The following FAM135B variants were observed in gnomAD, a reference collection of about 807,000 sequenced individuals.
FAM135B encodes family with sequence similarity 135 member B, also known as protein FAM135B.
Under a neutral mutation model 127.7 loss-of-function variants are expected in FAM135B, and 43 were observed. The ratio of observed to expected loss-of-function variants is 0.34; its 90% CI spans 0.26 to 0.43. The LOEUF is 0.43. Ranked by LOEUF, FAM135B falls within the 20% of genes least tolerant of loss-of-function variation. The pLI, the probability that FAM135B is intolerant of heterozygous loss-of-function variation, is 1.00. For missense variants in FAM135B, 1,558 were observed against 1,725.6 expected (o/e 0.90, Z 1.72); for synonymous variants, 670 against 665.1 (o/e 1.01, Z -0.11).
At chr8:138,163,654 G>C (rs534499151) in intron 12 of FAM135B, among the ~76,000 whole-genome samples, 1 of 152,022 alleles carries the variant, frequency 6.6e-6, no homozygotes, top group African/African-American at 2.4e-5. Flanking sequence ...ACCTTCCACC[G>C]TGTGATGCCT....
At chr8:138,219,880 A>C (rs1818887488) in intron 7 of FAM135B, among the ~76,000 whole-genome samples, 1 of 152,210 alleles carries the variant, frequency 6.6e-6, no homozygotes, top group Non-Finnish European at 1.5e-5. Flanking sequence ...TAAGCAATTC[A>C]TATGAACTAT....
intron 1 of FAM135B, among the ~76,000 whole-genome samples, chr8:138,405,392 T>G (rs1181874569): frequency 1.6e-5 from 2 of 121,362 alleles, no homozygotes; most frequent in Non-Finnish European, 3.2e-5. Context: ...GTCCCCAGAG[T>G]GTGATGTTCC....
intron 3 of FAM135B, among the ~76,000 whole-genome samples, chr8:138,268,714 C>T (rs901443764): frequency 6.6e-6 from 1 of 152,232 alleles, no homozygotes; most frequent in Non-Finnish European, 1.5e-5. Flanking sequence ...TACATACTCT[C>T]TCTGCCCTTA....
At chr8:138,452,232 G>A (rs891472030) in intron 1 of FAM135B, among the ~76,000 whole-genome samples, 6 of 150,074 alleles carry the variant, frequency 4.0e-5, no homozygotes, top group African/African-American at 1.5e-4. Flanking sequence ...CAGACTCAAG[G>A]AATCCTTCCA....
chr8:138,365,864 C>T (rs1830698925), intron 2 of FAM135B, among the ~76,000 whole-genome samples: 1 of 152,152 alleles, frequency 6.6e-6, no homozygotes, highest in African/African-American at 2.4e-5. Context: ...GCTCTTGAGA[C>T]CTAAGTTACT....
At chr8:138,166,017 C>A (rs1171150302) in intron 12 of FAM135B, among the ~76,000 whole-genome samples, 1 of 152,132 alleles carries the variant, frequency 6.6e-6, no homozygotes, top group Non-Finnish European at 1.5e-5. Flanking sequence ...ATGATGGGCA[C>A]CTAAACATGA....
chr8:138,306,121 T>C (rs1826238792), intron 3 of FAM135B, among the ~76,000 whole-genome samples: 1 of 152,174 alleles, frequency 6.6e-6, no homozygotes, highest in Non-Finnish European at 1.5e-5. Context: ...CACATCCTAT[T>C]GGCAGGCCTC....
chr8:138,434,282 T>C (rs1835349631), intron 1 of FAM135B, among the ~76,000 whole-genome samples: 1 of 152,200 alleles, frequency 6.6e-6, no homozygotes, highest in Non-Finnish European at 1.5e-5. Flanking sequence ...CTGAATCTCT[T>C]TGATTTATTC....
Position 138,151,767 on chromosome 8 carries a change from G to T in FAM135B, c.2708C>A (p.Thr903Asn), listed in dbSNP as rs1818175446. ...TRSLHRALEE[T>N]PKGMPKDLNV... ...CAAGTCTTTAGGCATGCCCTTTGGG[G>T]TTTCCTCAAGTGCTCTATGAAGAGA... The change falls in exon 13 of 20, where the codon ACC (threonine) becomes AAC (asparagine). Residue 903 changes from threonine (T) to asparagine (N), a missense_variant. Coordinates refer to ENST00000395297, the MANE Select transcript of FAM135B (RefSeq NM_015912.4). 6.2e-7 allele frequency: 1 copy of T among 1,614,142 alleles called. No individual in the cohort carries two copies. Among genetic ancestry groups the T allele is most frequent in the Non-Finnish European group, 8.5e-7 (1 of 1,180,038 alleles).
At chr8:138,139,679 T>C (rs1457223723) in intron 17 of FAM135B, among the ~76,000 whole-genome samples, 2 of 152,162 alleles carry the variant, frequency 1.3e-5, no homozygotes, top group Non-Finnish European at 2.9e-5. Context: ...GGCAGAAGAA[T>C]TGCTTGAACC....
intron 1 of FAM135B, among the ~76,000 whole-genome samples, chr8:138,429,842 TTTTCAGAAACACTCTCCAACTACCA>T (rs1158250075): frequency 6.6e-6 from 1 of 152,112 alleles, no homozygotes; most frequent in East Asian, 1.9e-4. Context: ...CAGAAAGCCC[TTTTCAGAAACACTCTCCAACTACCA>T]TACTGGAGAA....
chr8:138,368,689 T>A (rs1830922143), intron 1 of FAM135B, among the ~76,000 whole-genome samples: 1 of 152,180 alleles, frequency 6.6e-6, no homozygotes, highest in African/African-American at 2.4e-5. Context: ...GACAGGTTGC[T>A]AATTTTCCAA....
chr8:138,385,259 C>T (rs955444614), intron 1 of FAM135B, among the ~76,000 whole-genome samples: 1 of 152,148 alleles, frequency 6.6e-6, no homozygotes, highest in Non-Finnish European at 1.5e-5. Flanking sequence ...TCCAGTATAT[C>T]ACTGTCTTAT....
chr8:138,308,191 C>T (rs141750972), intron 3 of FAM135B, among the ~76,000 whole-genome samples: 2 of 152,296 alleles, frequency 1.3e-5, no homozygotes, highest in Admixed American at 1.3e-4. Flanking sequence ...GAAGTCTGAC[C>T]ACCCAACTGG....
At chr8:138,378,686 T>C (rs16909021) in intron 1 of FAM135B, among the ~76,000 whole-genome samples, 3,681 of 152,012 alleles carry the variant, frequency 0.024, 66 homozygotes, top group East Asian at 0.11. Context: ...TGTTGAAAAG[T>C]ATTTTCTTTC....
chr8:138,445,492 G>A (rs1836085655), intron 1 of FAM135B, among the ~76,000 whole-genome samples: 1 of 152,154 alleles, frequency 6.6e-6, no homozygotes, highest in African/African-American at 2.4e-5. Flanking sequence ...TGCAAGGCTG[G>A]TTCAATATAT....
At chr8:138,482,306 G>A (rs1013208665) in intron 1 of FAM135B, among the ~76,000 whole-genome samples, 2 of 151,996 alleles carry the variant, frequency 1.3e-5, no homozygotes, top group East Asian at 1.9e-4. Flanking sequence ...ACGTGGCCAC[G>A]AGGGCCATCA....
chr8:138,359,718 A>G (rs1830299996), intron 2 of FAM135B, among the ~76,000 whole-genome samples: 1 of 152,206 alleles, frequency 6.6e-6, no homozygotes, highest in Admixed American at 6.6e-5. Flanking sequence ...GCAAGCAAAG[A>G]TAATTGTATT....
chr8:138,258,182 C>T (rs879182130), intron 4 of FAM135B, among the ~76,000 whole-genome samples: 5 of 152,162 alleles, frequency 3.3e-5, no homozygotes, highest in Non-Finnish European at 5.9e-5. Flanking sequence ...TGCATCTTTG[C>T]GGAATAAATA....
Sources: allele counts gnomAD v4.1 joint callset (sites outside exome capture counted in the v4.1 genomes callset), GRCh38; gene constraint gnomAD v4.1.1; transcripts MANE v1.5; gene names NCBI Gene and HGNC (gene_info 2026-07-23, HGNC 2026-07-21).